BIRC6: variants seen among roughly 807,000 people sequenced by gnomAD.
The protein encoded by BIRC6 is dual E2 ubiquitin-conjugating enzyme/E3 ubiquitin-protein ligase BIRC6.
A neutral mutation model predicts 503.3 loss-of-function variants in BIRC6; 98 were observed. That is an observed-to-expected ratio of 0.19 (90% CI 0.17 to 0.23). The LOEUF is 0.23. BIRC6 is among the 10% of genes least tolerant of loss of function. The pLI, the probability that BIRC6 is intolerant of heterozygous loss-of-function variation, is 1.00. For missense variants in BIRC6, 5,360 were observed against 5,806.0 expected, an observed-to-expected ratio of 0.92 and a Z score of 2.50; for synonymous variants, 2,240 against 2,078.7, an observed-to-expected ratio of 1.08 and a Z score of -2.11.
At position 32,529,771 on chromosome 2, in the gene BIRC6, C is replaced by T. The variant is rs141336419; in HGVS notation, c.12041C>T (p.Thr4014Ile). 3.2e-5 allele frequency: 51 copies of T among 1,613,420 alleles called. No homozygotes were observed. In the African/African-American group the frequency reaches 5.9e-4, roughly 19 times the overall value. ...LTVKLGSRVI[T>I]DPSLSKTDSY... ...GTTAAATTGGGATCAAGAGTTATAA[C>T]AGACCCCAGTCTATCAAAAACAGAT... Residue 4014 changes from threonine (T) to isoleucine (I), a missense_variant, in exon 60 of 74, where the codon ACA becomes ATA. Thr to Ile is a moderately conservative substitution (Grantham distance 89, BLOSUM62 -1). Coordinates refer to ENST00000421745, the MANE Select transcript of BIRC6 (RefSeq NM_016252.4).
chr2:32,394,912 A>C (rs1158168031), intron 5 of BIRC6, among the ~76,000 whole-genome samples: 1 of 152,178 alleles, frequency 6.6e-6, no homozygotes, highest in East Asian at 1.9e-4. Flanking sequence ...GCACTCTGGG[A>C]GGCTGAGAGG....
intron 57 of BIRC6, among the ~76,000 whole-genome samples, chr2:32,520,718 G>A (rs559138688): frequency 1.0e-3 from 152 of 152,308 alleles, no homozygotes; most frequent in Admixed American, 1.5e-3. Context: ...CTGGGGGACT[G>A]AGGTAGGAAA....
intron 8 of BIRC6, among the ~76,000 whole-genome samples, chr2:32,406,252 T>A (rs542118160): frequency 6.6e-6 from 1 of 152,112 alleles, no homozygotes; most frequent in African/African-American, 2.4e-5. Flanking sequence ...AAAAAGTAGC[T>A]GGGCATGGTG....
intron 72 of BIRC6, among the ~76,000 whole-genome samples, chr2:32,611,108 C>CTTTCTTTTTTTTTTTTTTTTTTTTTT (rs2062841880): frequency 7.9e-6 from 1 of 126,172 alleles, no homozygotes; most frequent in African/African-American, 2.9e-5. Context: ...ATTAAATTGC[C>CTTTCTTTTTTTTTTTTTTTTTTTTTT]TTTTTTTTTT....
chr2:32,581,342 A>G (rs2060660327), intron 66 of BIRC6, among the ~76,000 whole-genome samples: 1 of 152,248 alleles, frequency 6.6e-6, no homozygotes, highest in South Asian at 2.1e-4. Flanking sequence ...ATTTTATTAA[A>G]TAAGTCAGTT....
chr2:32,370,087 G>A (rs142685095), intron 1 of BIRC6, among the ~76,000 whole-genome samples: 114 of 145,586 alleles, frequency 7.8e-4, no homozygotes, highest in African/African-American at 2.8e-3. Context: ...CACACAGCAC[G>A]CACGGGTGTG....
intron 66 of BIRC6, among the ~76,000 whole-genome samples, chr2:32,578,079 A>T (rs1461722113): frequency 6.6e-6 from 1 of 152,120 alleles, no homozygotes. Flanking sequence ...TGAAACCCTC[A>T]TGGTCTCTGC....
chr2:32,614,644 A>T (rs1053451136), intron 73 of BIRC6, among the ~76,000 whole-genome samples: 1 of 151,776 alleles, frequency 6.6e-6, no homozygotes, highest in Non-Finnish European at 1.5e-5. Context: ...CCTGGCCAAC[A>T]TGGTGAAACC....
chr2:32,529,450 C>T (rs2056555983), intron 59 of BIRC6: 1 of 455,440 alleles, frequency 2.2e-6, no homozygotes, highest in Non-Finnish European at 3.8e-6. Context: ...AACACTTTCA[C>T]AGACATTATT....
rs1206328674 is a variant in BIRC6 at position 32,471,039 on chromosome 2, T to C, written c.6507T>C (p.Ser2169=). Residue 2169 remains serine (S), a synonymous_variant, in exon 32 of 74, where the codon AGT becomes AGC. Transcript: ENST00000421745. ...TEGVLDIPMI[S]WVVMLVSRLL... ...GAGTACTAGATATTCCCATGATCAGTTGGGTTGTTATGCTGGTGTCCAGGT... is the reference window on the plus strand; with the variant it reads ...GAGTACTAGATATTCCCATGATCAGCTGGGTTGTTATGCTGGTGTCCAGGT... The C allele has an allele frequency of 1.3e-6, 2 of 1,577,992 alleles. No homozygotes were observed. Among genetic ancestry groups the C allele is most frequent in the Admixed American group, 1.8e-5 (1 of 54,714 alleles).
intron 22 of BIRC6, among the ~76,000 whole-genome samples, chr2:32,452,706 C>T: frequency 6.6e-6 from 1 of 151,990 alleles, no homozygotes; most frequent in East Asian, 1.9e-4. Flanking sequence ...ACTGATTGCC[C>T]CTTGACTTAC....
chr2:32,394,541 T>G (rs562975517), intron 5 of BIRC6, among the ~76,000 whole-genome samples: 3 of 152,190 alleles, frequency 2.0e-5, no homozygotes, highest in African/African-American at 7.2e-5. Flanking sequence ...TATTTAATAA[T>G]AAACCCATTG....
rs543327126 is a variant in BIRC6 at position 32,464,074 on chromosome 2, G to A, written c.4942-435G>A. Among the ~76,000 whole-genome samples the A allele has an allele frequency of 4.6e-5, 7 of 152,238 alleles. No individual in the cohort carries two copies. The South Asian group carries it at 6.2e-4, about 14-fold the overall frequency. The stretch of plus-strand genomic sequence containing the variant: ...CCCTGCGCCTCTGCCACATCTCCCC[G>A]CATCCGTGGCAAAAGTGTCTTCCAT... On this transcript the variant is annotated intron_variant, in intron 24 of 73. Coordinates refer to ENST00000421745, the MANE Select transcript of BIRC6 (RefSeq NM_016252.4).
intron 66 of BIRC6, among the ~76,000 whole-genome samples, chr2:32,591,303 G>T (rs976163530): frequency 3.9e-5 from 6 of 152,028 alleles, no homozygotes; most frequent in Non-Finnish European, 5.9e-5. Flanking sequence ...TTGATGTAAA[G>T]AATTTTTTTA....
At chr2:32,448,323 G>C (rs1330744477) in intron 21 of BIRC6, among the ~76,000 whole-genome samples, 78 of 135,666 alleles carry the variant, frequency 5.7e-4, no homozygotes, top group African/African-American at 1.8e-3. Context: ...TGGTTGTAGC[G>C]AGCCGAGATC....
intron 3 of BIRC6, among the ~76,000 whole-genome samples, chr2:32,382,868 T>C (rs140149867): frequency 0.032 from 4,792 of 147,908 alleles, 159 homozygotes; most frequent in African/African-American, 0.09. Context: ...GGATTACAGA[T>C]GTGCACCACC....
intron 65 of BIRC6, chr2:32,557,893 T>G (rs1327061040): frequency 6.6e-6 from 1 of 152,194 alleles, no homozygotes; most frequent in Non-Finnish European, 1.5e-5. Flanking sequence ...AGAGAATGAT[T>G]GTGAAGCAAA....
intron 65 of BIRC6, 100 bp from the exon 66 acceptor site, chr2:32,575,056 T>C: frequency 7.8e-7 from 1 of 1,277,248 alleles, no homozygotes; most frequent in Non-Finnish European, 1.1e-6. Flanking sequence ...CCGGGTCAGC[T>C]GTGGACCTTG....
At chr2:32,541,733 A>C (rs2057679612) in intron 61 of BIRC6, among the ~76,000 whole-genome samples, 1 of 152,152 alleles carries the variant, frequency 6.6e-6, no homozygotes, top group African/African-American at 2.4e-5. Context: ...TGCAATGAGA[A>C]GTTTGTAGGG....
Sources: gnomAD v4.1 joint callset for allele counts (sites outside exome capture counted in the v4.1 genomes callset) on GRCh38, gnomAD v4.1.1 for gene constraint, MANE v1.5 for transcripts, NCBI Gene and HGNC (gene_info 2026-07-23, HGNC 2026-07-21) for gene names.